The following ANO10 variants were observed in gnomAD, a reference collection of about 807,000 sequenced individuals.
The protein encoded by ANO10 is anoctamin 10.
In ANO10, 77 loss-of-function variants were observed where a neutral mutation model predicts 74.7. The ratio of observed to expected loss-of-function variants is 1.03; its 90% confidence interval spans 0.86 to 1.25. The LOEUF (loss-of-function observed/expected upper bound fraction) is 1.25. Among genes scored for constraint, ANO10 ranks in the 50% most tolerant of loss-of-function variants. ANO10 has a pLI of 0.00. For synonymous variants in ANO10, 279 were observed against 284.9 expected (o/e 0.98, Z 0.21); for missense variants, 721 against 778.1 (o/e 0.93, Z 0.87).
At chr3:43,486,106 C>A (rs2076476346) in intron 11 of ANO10, among the ~76,000 whole-genome samples, 1 of 152,204 alleles carries the variant, frequency 6.6e-6, no homozygotes, top group Non-Finnish European at 1.5e-5. Context: ...CAGGGCTTCC[C>A]TTTCTAGGCC....
intron 11 of ANO10, among the ~76,000 whole-genome samples, chr3:43,504,317 T>TAGAC (rs1289156359): frequency 9.2e-5 from 14 of 151,398 alleles, no homozygotes; most frequent in Non-Finnish European, 1.9e-4. Flanking sequence ...GATAGATAGA[T>TAGAC]AGATAGATAG....
At chr3:43,530,242 A>C (rs184628551) in intron 11 of ANO10, among the ~76,000 whole-genome samples, 239 of 152,188 alleles carry the variant, frequency 1.6e-3, no homozygotes, top group African/African-American at 5.5e-3. Context: ...CAGTAACTAC[A>C]TTTATAAATC....
Position 43,498,559 on chromosome 3 carries a change from C to T in ANO10, c.1797+51161G>A, listed in dbSNP as rs148136973. On this transcript the variant is annotated intron_variant, in intron 11 of 12. Coordinates refer to ENST00000292246, the MANE Select transcript of ANO10 (RefSeq NM_018075.5). Reference sequence around the variant, plus strand: ...AGAGTAGGGAATAAACACCACCTCCCGTGGCTTTCAAAGCCTGCCTAAAAG... The same window carrying T: ...AGAGTAGGGAATAAACACCACCTCCTGTGGCTTTCAAAGCCTGCCTAAAAG... 5.2e-3 allele frequency among the ~76,000 whole-genome samples: 785 copies of T among 152,272 alleles called. 5 individuals are homozygous for T. The highest frequency in any genetic ancestry group is 0.017 in the African/African-American group (713 of 41,552).
In ANO10 at chr3:43,636,591, A is replaced by T. The variant is rs1343967900; in HGVS notation, c.-11-30728T>A. ...TATACAGAGAGGATTGAAAGAAGACATCCTTCAAAACAACTTTAAACTTGT... is the reference window on the plus strand; with the variant it reads ...TATACAGAGAGGATTGAAAGAAGACTTCCTTCAAAACAACTTTAAACTTGT... On this transcript the variant is annotated intron_variant, in intron 1 of 3. Transcript: ENST00000413397. 2.6e-5 allele frequency: 4 copies of T among 152,246 alleles called. No individual in the cohort carries two copies. The East Asian group carries it at 7.7e-4, about 29-fold the overall frequency. 9.4% of individuals were successfully genotyped at this position (152,246 alleles called of 1,614,324 possible).
chr3:43,383,138 C>T (rs540273891), intron 12 of ANO10, among the ~76,000 whole-genome samples: 72 of 152,152 alleles, frequency 4.7e-4, no homozygotes, highest in African/African-American at 1.5e-3. Flanking sequence ...TAGTAGCTAA[C>T]GGAATACAAC....
chr3:43,488,909 T>A (rs2076607999), intron 11 of ANO10, among the ~76,000 whole-genome samples: 1 of 151,836 alleles, frequency 6.6e-6, no homozygotes, highest in Admixed American at 6.6e-5. Context: ...AGCAAAGACT[T>A]GGAACCAAGC....
At chr3:43,647,182 T>TGTGC (rs72342454) in intron 1 of ANO10, among the ~76,000 whole-genome samples, 40 of 151,430 alleles carry the variant, frequency 2.6e-4, no homozygotes, top group Non-Finnish European at 4.7e-4. Flanking sequence ...TGTGTGTGTG[T>TGTGC]GTGTGTGTGT....
At chr3:43,508,594 C>A (rs553355274) in intron 11 of ANO10, among the ~76,000 whole-genome samples, 57 of 152,214 alleles carry the variant, frequency 3.7e-4, no homozygotes, top group Non-Finnish European at 7.2e-4. Flanking sequence ...CACATATACA[C>A]CATGGAATAC....
At position 43,600,450 on chromosome 3, in the gene ANO10, CTT is replaced by C. The variant is rs775536114; in HGVS notation, c.269_270del (p.Lys90ArgfsTer4). On this transcript the variant is annotated frameshift_variant, in exon 3 of 13. Transcript: ENST00000292246. LOFTEE classifies it high-confidence loss of function. ...LLGAEAVGLVKECNDNTMRAF... is the reference protein window; with the variant it reads ...LLGAEAVGLVXECNDNTMRAF... Reference sequence around the variant, plus strand: ...GCTCTCATGGTGTTATCATTGCACTCTTTTACCAATCCCACTGCTTCTGCCCC... The same window carrying C: ...GCTCTCATGGTGTTATCATTGCACTCTTACCAATCCCACTGCTTCTGCCCC... 8.1e-6 allele frequency: 13 copies of C among 1,614,168 alleles called. No homozygotes were observed. Among genetic ancestry groups the C allele is most frequent in the Non-Finnish European group, 1.1e-5 (13 of 1,180,022 alleles).
chr3:43,549,649 AGACAGCACT>A, intron 11 of ANO10, 62 bp downstream of exon 11: 1 of 1,568,278 alleles, frequency 6.4e-7, no homozygotes, highest in Non-Finnish European at 8.8e-7. Flanking sequence ...GGACAGCCCG[AGACAGCACT>A]GCTTTGGAAT....
At chr3:43,367,149 T>G (rs1460758342) in intron 12 of ANO10, among the ~76,000 whole-genome samples, 175 bp from the exon 13 acceptor site, 1 of 152,090 alleles carries the variant, frequency 6.6e-6, no homozygotes, top group Non-Finnish European at 1.5e-5. Context: ...TGGGAGACAG[T>G]TGGTGTGGTG....
At chr3:43,575,772 G>A (rs1243306506) in intron 6 of ANO10, among the ~76,000 whole-genome samples, 1 of 152,052 alleles carries the variant, frequency 6.6e-6, no homozygotes, top group Non-Finnish European at 1.5e-5. Context: ...TGAGTAGTTG[G>A]GACTACAGGC....
intron 1 of ANO10, among the ~76,000 whole-genome samples, chr3:43,615,602 A>G (rs1055745598): frequency 1.3e-5 from 2 of 152,100 alleles, no homozygotes; most frequent in Admixed American, 6.6e-5. Context: ...TGTAAAATAC[A>G]CACTTCAGTT....
intron 12 of ANO10, among the ~76,000 whole-genome samples, chr3:43,406,955 G>A (rs2092587036): frequency 2.0e-5 from 3 of 151,232 alleles, no homozygotes; most frequent in Non-Finnish European, 4.4e-5. Flanking sequence ...CCAGGCTGCA[G>A]TGCAGTGGCA....
chr3:43,509,364 A>T (rs540052524), intron 11 of ANO10, among the ~76,000 whole-genome samples: 7 of 151,730 alleles, frequency 4.6e-5, no homozygotes, highest in South Asian at 2.1e-4. Flanking sequence ...ACTTAAATTT[A>T]AAAAAAAAGA....
intron 1 of ANO10, among the ~76,000 whole-genome samples, chr3:43,677,124 C>T (rs540324128): frequency 5.3e-5 from 8 of 152,192 alleles, no homozygotes; most frequent in South Asian, 4.2e-4. Context: ...AAAGAAAATG[C>T]GGTACACATA....
At chr3:43,533,666 C>T (rs1307452925) in intron 11 of ANO10, among the ~76,000 whole-genome samples, 1 of 152,194 alleles carries the variant, frequency 6.6e-6, no homozygotes, top group East Asian at 1.9e-4. Context: ...CTTGCTTTTG[C>T]TAAATGATGG....
At chr3:43,478,602 G>C (rs1039482645) in intron 11 of ANO10, among the ~76,000 whole-genome samples, 2 of 152,162 alleles carry the variant, frequency 1.3e-5, no homozygotes, top group African/African-American at 2.4e-5. Context: ...GTTTATGCTT[G>C]TGCTAACACA....
At position 43,478,653 on chromosome 3, in the gene ANO10, T is replaced by A. The variant is rs6762312; in HGVS notation, c.1798-45926A>T. On this transcript the variant is annotated intron_variant, in intron 11 of 12. Transcript: ENST00000292246. ...GGGGAGAAGTCTTTGGCACAAGTAA[T>A]TAATTTACATTAATGCTTAGCTCTC... 2.3e-3 allele frequency among the ~76,000 whole-genome samples: 345 copies of A among 152,332 alleles called. 2 individuals carry two copies. Among genetic ancestry groups the A allele is most frequent in the African/African-American group, 8.0e-3 (331 of 41,580 alleles).
Sources: gnomAD v4.1 joint callset for allele counts (sites outside exome capture counted in the v4.1 genomes callset) on GRCh38, gnomAD v4.1.1 for gene constraint, MANE v1.5 for transcripts, NCBI Gene and HGNC (gene_info 2026-07-23, HGNC 2026-07-21) for gene names.